Variants in COPE observed in about 807,000 individuals in gnomAD.
The protein encoded by COPE is coatomer subunit epsilon.
In COPE, 19 loss-of-function variants were observed where a neutral mutation model predicts 42.1. The observed-to-expected ratio is 0.45, with a 90% CI of 0.31 to 0.66. The LOEUF is 0.66. COPE is among the 30% of genes least tolerant of loss of function. The pLI, the probability that COPE is intolerant of heterozygous loss-of-function variation, is 0.05. For synonymous variants in COPE, 195 were observed against 181.3 expected (o/e 1.08, Z -0.60); for missense variants, 402 against 416.1 (o/e 0.97, Z 0.30).
chr19:18,913,104 G>A, intron 1 of COPE, 58 bp from the exon 2 acceptor site: 2 of 1,484,108 alleles, frequency 1.3e-6, no homozygotes, highest in Non-Finnish European at 1.9e-6. Flanking sequence ...AGCCCACACA[G>A]GGTGAGCATG....
At position 18,899,536 on chromosome 19, in the gene COPE, G is replaced by A. The variant is rs1009446552; in HGVS notation, c.*143C>T. The A allele has an allele frequency of 4.0e-6, 3 of 748,002 alleles. No homozygotes were observed. Among genetic ancestry groups the A allele is most frequent in the African/African-American group, 1.7e-5 (1 of 57,316 alleles). The allele number at this position is 748,002 out of a possible 1,614,324, so 46.3% of individuals were successfully genotyped here. A position where few individuals can be genotyped will look rare whatever the true frequency, so the allele number is the denominator to read the frequency against. On this transcript the variant is annotated 3_prime_UTR_variant, in exon 10 of 10. Coordinates refer to ENST00000262812, the MANE Select transcript of COPE (RefSeq NM_007263.4). ...TCATCAGGTGGAACACCCTGGAGTT[G>A]AGATATTTATTAACAGATGGGGGTG...
chr19:18,915,148 C>T (rs2056843410), intron 1 of COPE, among the ~76,000 whole-genome samples: 1 of 152,128 alleles, frequency 6.6e-6, no homozygotes, highest in Admixed American at 6.6e-5. Flanking sequence ...GTCGAGGCTA[C>T]AGTGGACTAT....
At chr19:18,914,262 G>A (rs1270291882) in intron 1 of COPE, among the ~76,000 whole-genome samples, 3 of 152,138 alleles carry the variant, frequency 2.0e-5, no homozygotes, top group Admixed American at 6.5e-5. Flanking sequence ...ATTATAGGCC[G>A]GGCATGGTAG....
At chr19:18,904,488 A>G (rs1332927800) in intron 6 of COPE, among the ~76,000 whole-genome samples, 1 of 152,224 alleles carries the variant, frequency 6.6e-6, no homozygotes, top group African/African-American at 2.4e-5. Context: ...TGAGGGGAGG[A>G]GGGCCTGCCA....
intron 1 of COPE, among the ~76,000 whole-genome samples, chr19:18,916,143 C>A (rs1170560049): frequency 6.6e-6 from 1 of 152,062 alleles, no homozygotes; most frequent in Non-Finnish European, 1.5e-5. Context: ...TGAGATCATG[C>A]CACTACACTC....
chr19:18,905,727 T>C (rs754532836), intron 4 of COPE, 98 bp from the exon 5 acceptor site: 221 of 1,310,632 alleles, frequency 1.7e-4, no homozygotes, highest in Admixed American at 1.3e-3. Flanking sequence ...GGGATGTTCC[T>C]AAGTCCTGTG....
Position 18,913,909 on chromosome 19 carries a change from T to C in COPE, c.127-863A>G, listed in dbSNP as rs557621173. On this transcript the variant is annotated intron_variant, in intron 1 of 9. Coordinates refer to ENST00000262812, the MANE Select transcript of COPE (RefSeq NM_007263.4). ...AACCAGGGGGAGTCACTCTGCCCTG[T>C]CCTCTGAAGCCGAGAACCACAGATT... Among the ~76,000 whole-genome samples, 13 of 152,234 alleles carry C rather than the reference T, an allele frequency of 8.5e-5. No individual in the cohort carries two copies. In the East Asian group the frequency reaches 2.1e-3, roughly 25 times the overall value.
rs1210359938 is a variant in COPE, at chr19:18,900,015, CAG to C, written c.805-70_805-69del. The stretch of plus-strand genomic sequence containing the variant: ...CCCACGGTGGCTCTGACCTGCTGGA[CAG>C]GGGTGGATTGGGGTGAGAGCCACAG... On this transcript the variant is annotated intron_variant, in intron 8 of 9. Transcript: ENST00000262812. 7 of 1,431,092 alleles carry C rather than the reference CAG, an allele frequency of 4.9e-6. No individual in the cohort carries two copies. In the South Asian group the frequency reaches 6.2e-5, roughly 13 times the overall value. 88.6% of individuals were successfully genotyped at this position (1,431,092 alleles called of 1,614,324 possible).
At chr19:18,916,801 CA>C (rs200271075) in intron 1 of COPE, among the ~76,000 whole-genome samples, 72 of 139,414 alleles carry the variant, frequency 5.2e-4, no homozygotes, top group African/African-American at 1.8e-3. Context: ...AACAAAAAAA[CA>C]AAAAAAAAAT....
At chr19:18,900,217 G>A (rs1335081026) in intron 8 of COPE, among the ~76,000 whole-genome samples, 164 bp downstream of exon 8, 1 of 152,058 alleles carries the variant, frequency 6.6e-6, no homozygotes, top group Non-Finnish European at 1.5e-5. Flanking sequence ...AGGGCCCCAG[G>A]TGAGGATGGG....
In COPE at chr19:18,912,014, C is replaced by T. The variant is rs1275933481; in HGVS notation, c.190-943G>A. ...TACAGGCATGCACCACCACACCTGG[C>T]TAATTCTGTATTTTTAGTAGAGACA... On this transcript the variant is annotated intron_variant, in intron 2 of 9. Coordinates refer to ENST00000262812, the MANE Select transcript of COPE (RefSeq NM_007263.4). Among the ~76,000 whole-genome samples, 15 of 151,972 alleles carry T rather than the reference C, an allele frequency of 9.9e-5. 1 individual carries two copies. Among genetic ancestry groups the T allele is most frequent in the Admixed American group, 9.8e-4 (15 of 15,234 alleles).
intron 1 of COPE, among the ~76,000 whole-genome samples, chr19:18,918,463 T>C (rs919279863): frequency 5.3e-5 from 8 of 152,092 alleles, no homozygotes; most frequent in Non-Finnish European, 1.2e-4. Context: ...CCTCTTTAAT[T>C]CTTACAACTT....
At chr19:18,914,261 C>T (rs1246835077) in intron 1 of COPE, among the ~76,000 whole-genome samples, 9 of 152,164 alleles carry the variant, frequency 5.9e-5, no homozygotes, top group South Asian at 4.1e-4. Context: ...TATTATAGGC[C>T]GGGCATGGTA....
At chr19:18,918,775 A>C (rs1236634430) in intron 1 of COPE, among the ~76,000 whole-genome samples, 1 of 152,184 alleles carries the variant, frequency 6.6e-6, no homozygotes, top group Non-Finnish European at 1.5e-5. Context: ...GTGCCCGTCC[A>C]AAAAAGTGCT....
chr19:18,919,237 C>G lies in COPE; in HGVS notation c.112G>C (p.Ala38Pro). ...CGCGGCCGCACCTTCACCCGCTGCG[C>G]CTCGTTTATGCACTGCTGGTAGCTG... ...IGSYQQCINE[A>P]QRVKLSSPER... Residue 38 changes from alanine (A) to proline (P), a missense_variant, in exon 1 of 10, where the codon GCG (alanine) becomes CCG (proline). Ala to Pro is a conservative substitution (Grantham distance 27). Transcript: ENST00000262812. 6.2e-7 allele frequency: 1 copy of G among 1,612,188 alleles called. No individual in the cohort carries two copies. The highest frequency in any genetic ancestry group is 8.5e-7 in the Non-Finnish European group (1 of 1,179,006).
At chr19:18,906,404 T>C (rs969378272) in intron 4 of COPE, among the ~76,000 whole-genome samples, 1 of 152,214 alleles carries the variant, frequency 6.6e-6, no homozygotes, top group African/African-American at 2.4e-5. Context: ...TGGGAGCAGA[T>C]CCACAGCGAC....
In COPE at chr19:18,899,588, G is replaced by A. The variant is rs966804879; in HGVS notation, c.*91C>T. On this transcript the variant is annotated 3_prime_UTR_variant, in exon 10 of 10. Transcript: ENST00000262812. ...TGGGGGTGGGCTCCTGCCCCCAGAG[G>A]GGATGCAGGTGGATGCCGGGTGGGG... 4.3e-6 allele frequency: 6 copies of A among 1,383,322 alleles called. No homozygotes were observed. Among genetic ancestry groups the A allele is most frequent in the African/African-American group, 1.4e-5 (1 of 70,352 alleles). The allele number at this position is 1,383,322 out of a possible 1,614,324, so 85.7% of individuals were successfully genotyped here. A position where few individuals can be genotyped will look rare whatever the true frequency, so the allele number is the denominator to read the frequency against.
At position 18,909,056 on chromosome 19, in the gene COPE, G is replaced by C. The variant is rs540831041; in HGVS notation, c.290+1915C>G. ...AATGGATGCTCCTTGTCCCCGGGGC[G>C]TCCTGCCAATGAGGTCGCGGCTGTG... On this transcript the variant is annotated intron_variant, in intron 3 of 9. Transcript: ENST00000262812. 7.2e-5 allele frequency among the ~76,000 whole-genome samples: 11 copies of C among 152,300 alleles called. No homozygotes were observed. In the East Asian group the frequency reaches 1.9e-3, roughly 27 times the overall value.
intron 4 of COPE, chr19:18,905,982 C>T: frequency 2.2e-6 from 1 of 449,160 alleles, no homozygotes; most frequent in Non-Finnish European, 3.9e-6. Flanking sequence ...GAGGGCCACG[C>T]ACCCGCCCCT....
Sources: allele counts gnomAD v4.1 joint callset (sites outside exome capture counted in the v4.1 genomes callset), GRCh38; gene constraint gnomAD v4.1.1; transcripts MANE v1.5; gene names NCBI Gene and HGNC (gene_info 2026-07-23, HGNC 2026-07-21).